The following SULT1C2 variants were observed in gnomAD, a reference collection of about 807,000 sequenced individuals.
SULT1C2 encodes sulfotransferase family 1C member 2, also known as sulfotransferase 1C2.
A neutral mutation model predicts 36.0 loss-of-function variants in SULT1C2; 27 were observed. The observed-to-expected ratio is 0.75, with a 90% CI of 0.55 to 1.03. SULT1C2 has a LOEUF of 1.03. Ranked by LOEUF, SULT1C2 falls within the 50% of genes least tolerant of loss-of-function variation. SULT1C2 has a pLI of 0.00. For missense variants in SULT1C2, 395 were observed against 359.2 expected (o/e 1.10, Z -0.80); for synonymous variants, 121 against 116.0 (o/e 1.04, Z -0.27).
intron 3 of SULT1C2, among the ~76,000 whole-genome samples, chr2:108,294,606 G>C (rs1177790489): frequency 6.6e-6 from 1 of 152,144 alleles, no homozygotes; most frequent in Non-Finnish European, 1.5e-5. Flanking sequence ...GCTAGGGTCA[G>C]ATTCTGCCTT....
rs966563963 is a variant in SULT1C2 at position 108,301,076 on chromosome 2, G to T, written c.375+141G>T. 3.7e-6 allele frequency: 4 copies of T among 1,079,346 alleles called. No individual in the cohort carries two copies. The East Asian group carries it at 9.8e-5, about 26-fold the overall frequency. The allele number at this position is 1,079,346 out of a possible 1,614,324, so 66.9% of individuals were successfully genotyped here. On this transcript the variant is annotated intron_variant, in intron 4 of 7. Transcript: ENST00000251481. Reference sequence around the variant, plus strand: ...CTTACCAGCAAAGAGAAAACATAAAGTTCTACATTCAGCAGGACATTCACC... The same window carrying T: ...CTTACCAGCAAAGAGAAAACATAAATTTCTACATTCAGCAGGACATTCACC...
intron 3 of SULT1C2, chr2:108,298,661 C>T (rs753430601): frequency 6.6e-5 from 26 of 391,880 alleles, no homozygotes; most frequent in Middle Eastern, 3.6e-4. Context: ...AGATTACAGA[C>T]GTGAGCCACT....
chr2:108,308,235 T>G, intron 7 of SULT1C2, 117 bp from the exon 8 acceptor site: 2 of 819,746 alleles, frequency 2.4e-6, no homozygotes, highest in African/African-American at 1.7e-5. Context: ...GAAGGGGGAG[T>G]TGGGTGAGTC....
chr2:108,305,713 T>C (rs750261133), intron 7 of SULT1C2, 118 bp downstream of exon 7: 1 of 1,266,010 alleles, frequency 7.9e-7, no homozygotes, highest in Non-Finnish European at 1.1e-6. Context: ...ATTCCTAATA[T>C]GTGTTTCTAA....
chr2:108,301,084 T>C, intron 4 of SULT1C2, 149 bp downstream of exon 4: 1 of 998,624 alleles, frequency 1.0e-6, no homozygotes, highest in Non-Finnish European at 1.4e-6. Context: ...AAGTTCTACA[T>C]TCAGCAGGAC....
In SULT1C2 at chr2:108,304,700, G is replaced by T. The variant is rs372288162; in HGVS notation, c.502G>T (p.Val168Leu). ...EYFETFINGK[V>L]VWGSWFDHVK... ...TTTTGAAACCTTCATCAATGGAAAA[G>T]GTACGGGAACATCCTTCACACCCTT... The change falls in exon 5 of 8, where the codon GTG becomes TTG. Residue 168 changes from valine to leucine, a missense_variant and splice_region_variant. Physicochemically the swap from Val to Leu is conservative, Grantham distance 32 (BLOSUM62 1). Coordinates refer to ENST00000251481, the MANE Select transcript of SULT1C2 (RefSeq NM_001056.4). 1.7e-5 allele frequency: 27 copies of T among 1,610,688 alleles called. No homozygotes were observed. The highest frequency in any genetic ancestry group is 2.1e-5 in the Non-Finnish European group (25 of 1,178,688).
intron 7 of SULT1C2, 114 bp from the exon 8 acceptor site, chr2:108,308,238 G>T: frequency 1.1e-6 from 1 of 870,582 alleles, no homozygotes; most frequent in South Asian, 1.7e-5. Context: ...GGGGGAGTTG[G>T]GTGAGTCAGG....
At chr2:108,293,953 AC>A (rs1292258998) in intron 2 of SULT1C2, 135 bp downstream of exon 2, 1 of 1,369,128 alleles carries the variant, frequency 7.3e-7, no homozygotes, top group Non-Finnish European at 9.7e-7. Flanking sequence ...CAGGGCTCAC[AC>A]AGGATGCCTG....
chr2:108,301,341 C>T (rs1676865258), intron 4 of SULT1C2: 6 of 158,966 alleles, frequency 3.8e-5, no homozygotes, highest in Non-Finnish European at 6.9e-5. Flanking sequence ...CCTGTAATCC[C>T]AGCACTTTGG....
intron 4 of SULT1C2, chr2:108,302,850 A>C (rs567588453): frequency 6.6e-6 from 1 of 152,352 alleles, no homozygotes; most frequent in African/African-American, 2.4e-5. Flanking sequence ...GCATAGGATA[A>C]AGTGCAGAAC....
At chr2:108,300,739 G>A (rs529326654) in intron 3 of SULT1C2, 99 bp from the exon 4 acceptor site, 9 of 1,505,450 alleles carry the variant, frequency 6.0e-6, no homozygotes, top group South Asian at 4.1e-5. Context: ...CTAGCAGAAA[G>A]ACAGGTGGGT....
intron 3 of SULT1C2, among the ~76,000 whole-genome samples, chr2:108,295,051 T>C (rs1002868812): frequency 6.6e-6 from 1 of 152,174 alleles, no homozygotes; most frequent in African/African-American, 2.4e-5. Flanking sequence ...GCTGAAGCTA[T>C]GAAAATGTAG....
chr2:108,293,105 G>A (rs1291883030), intron 1 of SULT1C2, among the ~76,000 whole-genome samples: 1 of 150,344 alleles, frequency 6.7e-6, no homozygotes, highest in Non-Finnish European at 1.5e-5. Context: ...CTTGAACCCT[G>A]GAGGCAGAGG....
intron 1 of SULT1C2, among the ~76,000 whole-genome samples, chr2:108,289,278 C>A (rs990491074): frequency 2.0e-5 from 3 of 152,128 alleles, no homozygotes; most frequent in African/African-American, 7.2e-5. Context: ...AAATCACCTC[C>A]AAAAGCTCTC....
At chr2:108,302,319 G>A (rs1424030626) in intron 4 of SULT1C2, 2 of 152,244 alleles carry the variant, frequency 1.3e-5, no homozygotes, top group African/African-American at 2.4e-5. Flanking sequence ...TCAATGGATG[G>A]GTGGAGGAGG....
In SULT1C2 at chr2:108,305,226, G is replaced by A; in HGVS notation, c.557G>A (p.Arg186Lys). 1 of 1,614,224 alleles carries A rather than the reference G, an allele frequency of 6.2e-7. No individual in the cohort carries two copies. ...AAAGGATGGTGGGAGATGAAAGACA[G>A]ACACCAGATTCTCTTCCTCTTCTAT... Reference protein sequence around the residue: ...HVKGWWEMKDRHQILFLFYED... With the variant: ...HVKGWWEMKDKHQILFLFYED... The change falls in exon 6 of 8, where the codon AGA becomes AAA. Residue 186 changes from arginine (R) to lysine (K), a missense_variant. Physicochemically the swap from Arg to Lys is conservative, Grantham distance 26 (BLOSUM62 2). Coordinates refer to ENST00000251481, the MANE Select transcript of SULT1C2 (RefSeq NM_001056.4).
At chr2:108,296,253 T>A (rs755053563) in intron 3 of SULT1C2, among the ~76,000 whole-genome samples, 1 of 152,186 alleles carries the variant, frequency 6.6e-6, no homozygotes, top group Non-Finnish European at 1.5e-5. Flanking sequence ...TAAATCGGCA[T>A]AAAAACCAGG....
intron 1 of SULT1C2, among the ~76,000 whole-genome samples, chr2:108,289,449 G>A (rs1676537885): frequency 6.6e-6 from 1 of 152,186 alleles, no homozygotes; most frequent in Non-Finnish European, 1.5e-5. Context: ...CACATGCTGG[G>A]CCTGCAAGGG....
At chr2:108,305,340 AG>A in intron 6 of SULT1C2, 74 bp downstream of exon 6, 1 of 1,609,718 alleles carries the variant, frequency 6.2e-7, no homozygotes. Flanking sequence ...GTTGTTTCAA[AG>A]GACATCCCAG....
Sources: allele counts gnomAD v4.1 joint callset (sites outside exome capture counted in the v4.1 genomes callset), GRCh38; gene constraint gnomAD v4.1.1; transcripts MANE v1.5; gene names NCBI Gene and HGNC (gene_info 2026-07-23, HGNC 2026-07-21).